Variants in ABCC9 observed in about 807,000 individuals in gnomAD.
ABCC9 encodes the protein ATP-binding cassette sub-family C member 9.
In ABCC9, 95 loss-of-function variants were observed where a neutral mutation model predicts 188.3. That is an observed-to-expected ratio of 0.50 (90% CI 0.43 to 0.60). The LOEUF is 0.60. ABCC9 is among the 20% of genes least tolerant of loss of function. The pLI, the probability that ABCC9 is intolerant of heterozygous loss-of-function variation, is 0.00. For synonymous variants in ABCC9, 659 were observed against 652.7 expected (o/e 1.01, Z -0.15); for missense variants, 1,102 against 1,876.3 (o/e 0.59, Z 7.62).
At chr12:21,876,246 T>C (rs1946339738) in intron 16 of ABCC9, among the ~76,000 whole-genome samples, 1 of 152,150 alleles carries the variant, frequency 6.6e-6, no homozygotes, top group Non-Finnish European at 1.5e-5. Context: ...CTCTGAAAAT[T>C]TGGGATTACC....
In ABCC9 at chr12:21,910,840, G is replaced by C. The variant is rs749318820; in HGVS notation, c.1150C>G (p.Arg384Gly). ...CCTTTACATACCAGCAGAGCTCCAC[G>C]GAGGTTAATGCCAGTCTCTATGGTT... ...YVTIETGINL[R>G]GALLAMIYNK... Residue 384 changes from arginine (R) to glycine (G), a missense_variant, in exon 9 of 40, where the codon CGT (arginine) becomes GGT (glycine). By Grantham distance (125) the Arg-to-Gly change is moderately radical (BLOSUM62 -2). This residue lies in a region of ABCC9 where 305 missense variants were observed against 573.0 expected (regional missense o/e 0.53). Coordinates refer to ENST00000261200, the MANE Select transcript of ABCC9 (RefSeq NM_020297.4). The C allele has an allele frequency of 6.2e-7, 1 of 1,611,868 alleles. No homozygotes were observed. Among genetic ancestry groups the C allele is most frequent in the Non-Finnish European group, 8.5e-7 (1 of 1,178,250 alleles).
chr12:21,850,867 T>C (rs945663662), intron 24 of ABCC9, among the ~76,000 whole-genome samples: 1 of 151,976 alleles, frequency 6.6e-6, no homozygotes, highest in African/African-American at 2.4e-5. Context: ...TGTTTTGGGG[T>C]TTGTTGTTTG....
chr12:21,799,221 C>T lies in ABCC9; in HGVS notation c.*1823G>A, dbSNP rs1941315690. 7.5e-6 allele frequency: 1 copy of T among 133,266 alleles called. No individual in the cohort carries two copies. Among genetic ancestry groups the T allele is most frequent in the South Asian group, 2.3e-4 (1 of 4,286 alleles). The allele number at this position is 133,266 out of a possible 1,614,324, so 8.3% of individuals were successfully genotyped here. On this transcript the variant is annotated 3_prime_UTR_variant, in exon 40 of 40. Transcript: ENST00000261200. The stretch of plus-strand genomic sequence containing the variant: ...ATGTAACTAACCTGCACAATGTGCA[C>T]ATGTACCCTAAAACTTAAAGTATAT...
chr12:21,824,964 A>G (rs1460745716), intron 31 of ABCC9, among the ~76,000 whole-genome samples: 1 of 151,398 alleles, frequency 6.6e-6, no homozygotes, highest in Non-Finnish European at 1.5e-5. Flanking sequence ...TATTTTGTTG[A>G]TCTTTTCAAA....
intron 17 of ABCC9, 60 bp from the exon 18 acceptor site, chr12:21,872,790 CA>C: frequency 1.6e-6 from 2 of 1,268,312 alleles, no homozygotes; most frequent in South Asian, 1.2e-5. Context: ...GAAATAACAT[CA>C]AAACACATTT....
At chr12:21,831,947 A>G (rs182752974) in intron 30 of ABCC9, among the ~76,000 whole-genome samples, 2 of 152,212 alleles carry the variant, frequency 1.3e-5, no homozygotes, top group Non-Finnish European at 2.9e-5. Context: ...GTTTTGGGAT[A>G]TTGTTTCAGA....
intron 25 of ABCC9, among the ~76,000 whole-genome samples, chr12:21,846,918 C>T (rs1022100446): frequency 2.0e-5 from 3 of 151,934 alleles, no homozygotes; most frequent in South Asian, 2.1e-4. Flanking sequence ...AATAAGTAAA[C>T]AGAAACAATA....
At chr12:21,896,432 T>C (rs1411510308) in intron 12 of ABCC9, among the ~76,000 whole-genome samples, 1 of 152,188 alleles carries the variant, frequency 6.6e-6, no homozygotes, top group African/African-American at 2.4e-5. Context: ...TCTCTGACCA[T>C]TGTCACCCTA....
At chr12:21,902,034 C>A (rs1271279320) in intron 12 of ABCC9, among the ~76,000 whole-genome samples, 2 of 152,114 alleles carry the variant, frequency 1.3e-5, no homozygotes, top group African/African-American at 4.8e-5. Flanking sequence ...CAAAATTGAC[C>A]ACATAGTTGG....
At chr12:21,893,025 G>C (rs1290184050) in intron 14 of ABCC9, among the ~76,000 whole-genome samples, 1 of 152,070 alleles carries the variant, frequency 6.6e-6, no homozygotes, top group Non-Finnish European at 1.5e-5. Flanking sequence ...TGTTTACAAA[G>C]CATTCTGAGG....
chr12:21,815,802 A>G lies in ABCC9; in HGVS notation c.3984T>C (p.Val1328=), dbSNP rs1942576317. ...TGATGTAAGCCTTGACGTGCTTAAG[A>G]ACAGGTTTCAGATTATTTTCATATC... ...CVRYENNLKP[V]LKHVKAYIKP... is the part of the protein sequence containing the mutation. The change falls in exon 34 of 40, where the codon GTT becomes GTC. Residue 1328 remains valine (V), a synonymous_variant. Coordinates refer to ENST00000261200, the MANE Select transcript of ABCC9 (RefSeq NM_020297.4). The G allele has an allele frequency of 1.9e-6, 3 of 1,613,432 alleles. No individual in the cohort carries two copies. The highest frequency in any genetic ancestry group is 2.5e-6 in the Non-Finnish European group (3 of 1,179,666).
intron 31 of ABCC9, among the ~76,000 whole-genome samples, chr12:21,822,063 T>C (rs955090436): frequency 6.6e-6 from 1 of 152,162 alleles, no homozygotes; most frequent in Admixed American, 6.5e-5. Context: ...GCATAGCTTT[T>C]TGAGGTACAT....
At chr12:21,918,293 A>C (rs1592233299) in intron 5 of ABCC9, among the ~76,000 whole-genome samples, 1 of 152,260 alleles carries the variant, frequency 6.6e-6, no homozygotes, top group East Asian at 1.9e-4. Flanking sequence ...AAGATTTAGA[A>C]GATGTATTAG....
chr12:21,833,342 G>T (rs1943882587), intron 30 of ABCC9, among the ~76,000 whole-genome samples: 1 of 151,796 alleles, frequency 6.6e-6, no homozygotes. Flanking sequence ...GATCCTGCAG[G>T]TACTTCCAGA....
intron 18 of ABCC9, among the ~76,000 whole-genome samples, chr12:21,867,176 T>C (rs1267073963): frequency 1.3e-5 from 2 of 152,192 alleles, no homozygotes; most frequent in Non-Finnish European, 2.9e-5. Flanking sequence ...AACATTTTTA[T>C]GAATAATGTT....
In ABCC9 at chr12:21,886,099, T is replaced by A. The variant is rs562524877; in HGVS notation, c.1911+1727A>T. On this transcript the variant is annotated intron_variant, in intron 15 of 39. Coordinates refer to ENST00000261200, the MANE Select transcript of ABCC9 (RefSeq NM_020297.4). ...TTAATTTTTAAGAATTTCTTCAAAATTTTTTAGACACTTCCTTCAAGAAAG... is the reference window on the plus strand; with the variant it reads ...TTAATTTTTAAGAATTTCTTCAAAAATTTTTAGACACTTCCTTCAAGAAAG... 2.6e-5 allele frequency among the ~76,000 whole-genome samples: 4 copies of A among 152,308 alleles called. No homozygotes were observed. In the East Asian group the frequency reaches 7.7e-4, roughly 29 times the overall value.
At chr12:21,813,285 C>T (rs949920701) in intron 35 of ABCC9, among the ~76,000 whole-genome samples, 1 of 152,100 alleles carries the variant, frequency 6.6e-6, no homozygotes, top group African/African-American at 2.4e-5. Flanking sequence ...GTTGTTTCTC[C>T]ACCATGATAT....
intron 30 of ABCC9, among the ~76,000 whole-genome samples, chr12:21,832,625 A>T (rs1263066869): frequency 1.3e-5 from 2 of 152,212 alleles, no homozygotes; most frequent in Non-Finnish European, 1.5e-5. Context: ...ATAAAAAAAA[A>T]AAATAGATAT....
chr12:21,871,116 AC>A (rs1946050024), intron 18 of ABCC9, among the ~76,000 whole-genome samples: 1 of 152,196 alleles, frequency 6.6e-6, no homozygotes, highest in Non-Finnish European at 1.5e-5. Flanking sequence ...CAGGATAAAA[AC>A]AAAACCCAAA....
Sources: gnomAD v4.1 joint callset for allele counts (sites outside exome capture counted in the v4.1 genomes callset) on GRCh38, gnomAD v4.1.1 for gene constraint, gnomAD v4.1.1 regional missense constraint, MANE v1.5 for transcripts, NCBI Gene and HGNC (gene_info 2026-07-23, HGNC 2026-07-21) for gene names.